The following MAST4 variants were observed in gnomAD, a reference collection of about 807,000 sequenced individuals.
MAST4 encodes microtubule associated serine/threonine kinase family member 4, also known as microtubule-associated serine/threonine-protein kinase 4.
MAST4 carries 89 observed loss-of-function variants against 162.7 expected under a neutral mutation model. The ratio of observed to expected loss-of-function variants is 0.55; its 90% CI spans 0.46 to 0.65. The LOEUF is 0.65. Ranked by LOEUF, MAST4 falls within the 30% of genes least tolerant of loss-of-function variation. MAST4 has a pLI of 0.00. For missense variants in MAST4, 3,153 were observed against 3,374.0 expected (o/e 0.93, Z 1.62); for synonymous variants, 1,479 against 1,361.1 (o/e 1.09, Z -1.91).
Position 66,597,029 on chromosome 5 carries a change from C to G in MAST4, c.363+11C>G. The stretch of plus-strand genomic sequence containing the variant: ...GAGCAGGACGAGGAGGTGGGCCTTT[C>G]CCCAGCTTGCCCACTCTGGGTTCCG... On this transcript the variant is annotated intron_variant, in intron 1 of 28. Coordinates refer to ENST00000403625, the MANE Select transcript of MAST4 (RefSeq NM_001164664.2). The G allele has an allele frequency of 7.1e-7, 1 of 1,413,560 alleles. No homozygotes were observed. Among genetic ancestry groups the G allele is most frequent in the Non-Finnish European group, 9.2e-7 (1 of 1,092,680 alleles). The allele number at this position is 1,413,560 out of a possible 1,614,324, so 87.6% of individuals were successfully genotyped here. A position where few individuals can be genotyped will look rare whatever the true frequency, so the allele number is the denominator to read the frequency against.
intron 1 of MAST4, among the ~76,000 whole-genome samples, chr5:66,728,556 A>C (rs1751654561): frequency 6.6e-6 from 1 of 152,196 alleles, no homozygotes; most frequent in East Asian, 1.9e-4. Flanking sequence ...ATGACTAAAA[A>C]AATTTTAGAC....
intron 1 of MAST4, among the ~76,000 whole-genome samples, chr5:66,639,278 TTGTGTGTGTG>T (rs70987132): frequency 1.9e-4 from 26 of 138,622 alleles, no homozygotes; most frequent in African/African-American, 5.7e-4. Flanking sequence ...GAGAGGCAGC[TTGTGTGTGTG>T]TGTGTGTGTG....
intron 15 of MAST4, 85 bp from the exon 16 acceptor site, chr5:67,131,728 T>C: frequency 7.9e-6 from 11 of 1,398,712 alleles, no homozygotes; most frequent in Non-Finnish European, 9.9e-6. Context: ...TAGAGATGAT[T>C]TCACCTTGAA....
At chr5:67,039,031 A>G (rs1450145873) in intron 4 of MAST4, among the ~76,000 whole-genome samples, 1 of 152,246 alleles carries the variant, frequency 6.6e-6, no homozygotes, top group East Asian at 1.9e-4. Flanking sequence ...TGTTATGACC[A>G]CAAAGCCAAA....
In MAST4 at chr5:67,166,010, T is replaced by A; in HGVS notation, c.6831T>A (p.Thr2277=). ...GEGGPSVPLH[T]DRAPLDAKPQ... ...GTGGGCCCTCTGTCCCACTGCACAC[T>A]GACAGGGCTCCTCTAGACGCCAAGC... is the stretch of plus-strand genomic sequence containing the variant. Residue 2277 remains threonine, a synonymous_variant, in exon 29 of 29, where the codon ACT becomes ACA. Coordinates refer to ENST00000403625, the MANE Select transcript of MAST4 (RefSeq NM_001164664.2). The A allele has an allele frequency of 6.2e-7, 1 of 1,613,652 alleles. No individual in the cohort carries two copies. Among genetic ancestry groups the A allele is most frequent in the South Asian group, 1.1e-5 (1 of 91,078 alleles).
intron 26 of MAST4, among the ~76,000 whole-genome samples, chr5:67,155,926 G>C (rs764459951): frequency 6.6e-6 from 1 of 152,076 alleles, no homozygotes; most frequent in Non-Finnish European, 1.5e-5. Flanking sequence ...TGGGCGTGGT[G>C]GTGGGCGCCT....
At chr5:66,969,078 A>G (rs143814808) in intron 4 of MAST4, among the ~76,000 whole-genome samples, 3 of 152,342 alleles carry the variant, frequency 2.0e-5, no homozygotes, top group Admixed American at 6.5e-5. Context: ...TTGTCATTAA[A>G]TGTGCTTTGA....
At chr5:66,734,103 T>C (rs938467681) in intron 1 of MAST4, among the ~76,000 whole-genome samples, 1 of 152,210 alleles carries the variant, frequency 6.6e-6, no homozygotes, top group Non-Finnish European at 1.5e-5. Flanking sequence ...AAACTTTGCT[T>C]TTCTCCTTCT....
intron 3 of MAST4, among the ~76,000 whole-genome samples, chr5:66,887,153 C>T (rs1032409018): frequency 6.6e-6 from 1 of 152,202 alleles, no homozygotes; most frequent in Non-Finnish European, 1.5e-5. Flanking sequence ...CTTGGACTCT[C>T]TTTGGTTAAC....
intron 1 of MAST4, among the ~76,000 whole-genome samples, chr5:66,646,254 AT>A (rs34000728): frequency 0.36 from 54,974 of 151,802 alleles, 10,161 homozygotes; most frequent in African/African-American, 0.44. Flanking sequence ...ATTTAAAAAA[AT>A]GTTTTATGGT....
intron 1 of MAST4, among the ~76,000 whole-genome samples, chr5:66,705,697 A>G (rs921824136): frequency 6.6e-6 from 1 of 152,254 alleles, no homozygotes; most frequent in African/African-American, 2.4e-5. Flanking sequence ...TTTTTTAATC[A>G]GAAGATATGT....
intron 3 of MAST4, among the ~76,000 whole-genome samples, chr5:66,880,766 G>C (rs1207488883): frequency 6.6e-6 from 1 of 152,190 alleles, no homozygotes; most frequent in Non-Finnish European, 1.5e-5. Flanking sequence ...CTTTGTATAA[G>C]GTATGATAGA....
chr5:66,598,544 G>C (rs1401305192), intron 1 of MAST4, among the ~76,000 whole-genome samples: 1 of 152,142 alleles, frequency 6.6e-6, no homozygotes, highest in Non-Finnish European at 1.5e-5. Flanking sequence ...ATCAAACCCT[G>C]TACTGCCCCA....
chr5:67,078,907 T>TTTAA (rs1762142782), intron 5 of MAST4, among the ~76,000 whole-genome samples: 1 of 21,516 alleles, frequency 4.6e-5, no homozygotes, highest in Non-Finnish European at 7.9e-5. Context: ...TATATTTTTA[T>TTTAA]ATAAATATAT....
intron 4 of MAST4, among the ~76,000 whole-genome samples, chr5:67,028,502 T>C (rs1754942232): frequency 6.6e-6 from 1 of 152,056 alleles, no homozygotes; most frequent in Non-Finnish European, 1.5e-5. Flanking sequence ...ATCACGGGCT[T>C]CTGGGGCAGA....
intron 3 of MAST4, among the ~76,000 whole-genome samples, chr5:66,811,440 T>G (rs1307533599): frequency 6.6e-6 from 1 of 152,208 alleles, no homozygotes; most frequent in Non-Finnish European, 1.5e-5. Flanking sequence ...GAACTTTAAC[T>G]GAGAAAATGA....
chr5:66,815,748 G>C (rs1298008059), intron 3 of MAST4, among the ~76,000 whole-genome samples: 4 of 152,180 alleles, frequency 2.6e-5, no homozygotes, highest in African/African-American at 9.6e-5. Context: ...AGGTTTGTCT[G>C]TAGGTAAAAC....
At chr5:66,756,357 C>T (rs1753537307) in intron 1 of MAST4, among the ~76,000 whole-genome samples, 1 of 152,180 alleles carries the variant, frequency 6.6e-6, no homozygotes. Context: ...TAGGTGACCA[C>T]GGAGTAGGAC....
At chr5:67,141,989 A>G (rs1003634508) in intron 19 of MAST4, 126 bp from the exon 20 acceptor site, 6 of 987,644 alleles carry the variant, frequency 6.1e-6, no homozygotes, top group African/African-American at 1.6e-5. Flanking sequence ...ATGAAAAAGT[A>G]TGATTTTCAT....
Sources: allele counts gnomAD v4.1 joint callset (sites outside exome capture counted in the v4.1 genomes callset), GRCh38; gene constraint gnomAD v4.1.1; transcripts MANE v1.5; gene names NCBI Gene and HGNC (gene_info 2026-07-23, HGNC 2026-07-21).